KCNQ1OT1: variants seen among roughly 807,000 people sequenced by gnomAD.
KCNQ1OT1 encodes KCNQ1 opposite strand/antisense transcript 1.
chr11:2,632,726 A>G (rs1849381111), exon 1 of KCNQ1OT1: 1 of 398,288 alleles, frequency 2.5e-6, no homozygotes, highest in Admixed American at 4.4e-5. Flanking sequence ...ATCCAAGTTC[A>G]TCCATGTTGC....
Position 2,642,978 on chromosome 11 carries a change from C to T in KCNQ1OT1, n.57017G>A. 2.5e-6 allele frequency: 1 copy of T among 397,824 alleles called. No homozygotes were observed. The highest frequency in any genetic ancestry group is 4.4e-6 in the Non-Finnish European group (1 of 225,656). The allele number at this position is 397,824 out of a possible 1,614,324, so 24.6% of individuals were successfully genotyped here. On this transcript the variant is annotated non_coding_transcript_exon_variant, in exon 1 of 1. Coordinates refer to ENST00000597346, the Ensembl canonical transcript of KCNQ1OT1. The surrounding 1 kb of genome is among the most constrained non-coding windows in gnomAD (Gnocchi z 4.3). ...TATTTATACAGTTTTGAATGCTCCT[C>T]TTATTTATTTATAGTTTTATGCTAT... is the stretch of plus-strand genomic sequence containing the variant.
Position 2,631,603 on chromosome 11 carries a change from T to C in KCNQ1OT1, n.68392A>G. ...TTCTTGGGAGTCAGTCCCTGAAAAT[T>C]ATTGTATTTCTCAGGTGGGTGCTAT... On this transcript the variant is annotated non_coding_transcript_exon_variant, in exon 1 of 1. Transcript: ENST00000597346. 7 of 398,632 alleles carry C rather than the reference T, an allele frequency of 1.8e-5. No individual in the cohort carries two copies. The Admixed American group carries it at 2.2e-4, about 13-fold the overall frequency. The allele number at this position is 398,632 out of a possible 1,614,324, so 24.7% of individuals were successfully genotyped here.
At position 2,676,136 on chromosome 11, in the gene KCNQ1OT1, G is replaced by A; in HGVS notation, n.23859C>T. ...GATACGGCTCCTTTTTATACAAATG[G>A]TAGCATACTGTATGTATTTTTCTAC... On this transcript the variant is annotated non_coding_transcript_exon_variant, in exon 1 of 1. Coordinates refer to ENST00000597346, the Ensembl canonical transcript of KCNQ1OT1. The surrounding 1 kb of genome is among the most constrained non-coding windows in gnomAD (Gnocchi z 4.2). 1 of 398,532 alleles carries A rather than the reference G, an allele frequency of 2.5e-6. No homozygotes were observed. The highest frequency in any genetic ancestry group is 4.4e-6 in the Non-Finnish European group (1 of 226,068). 24.7% of individuals were successfully genotyped at this position (398,532 alleles called of 1,614,324 possible).
At chr11:2,662,422 G>A in exon 1 of KCNQ1OT1, 1 of 280,934 alleles carries the variant, frequency 3.6e-6, no homozygotes, top group Admixed American at 4.7e-5. Context: ...TTGTTTTTTA[G>A]CATTTCCCCA....
rs1849889497 is a variant in KCNQ1OT1 at position 2,658,410 on chromosome 11, C to T, written n.41585G>A. On this transcript the variant is annotated non_coding_transcript_exon_variant, in exon 1 of 1. Transcript: ENST00000597346. The surrounding 1 kb of genome is among the most constrained non-coding windows in gnomAD (Gnocchi z 4.9). ...GTCCAATATTATTTATTTTGTTGCT[C>T]AAATTGTTCAAGCTGTGGCCACTGG... 5 of 398,314 alleles carry T rather than the reference C, an allele frequency of 1.3e-5. No individual in the cohort carries two copies. The highest frequency in any genetic ancestry group is 2.2e-5 in the Non-Finnish European group (5 of 226,020). 24.7% of individuals were successfully genotyped at this position (398,314 alleles called of 1,614,324 possible).
exon 1 of KCNQ1OT1, chr11:2,615,837 T>C (rs1306385088): frequency 2.5e-6 from 1 of 398,106 alleles, no homozygotes; most frequent in Non-Finnish European, 4.4e-6. Context: ...TTTCTTGTGG[T>C]ATATTTGTCT....
chr11:2,686,232 C>T, exon 1 of KCNQ1OT1: 2 of 398,754 alleles, frequency 5.0e-6, no homozygotes, highest in Non-Finnish European at 8.8e-6. Context: ...ACCTTTAGGC[C>T]TTGGGATAGC....
rs1850265905 is a variant in KCNQ1OT1 at position 2,674,908 on chromosome 11, G to GA, written n.25086_25087insT. ...AGGGTCTGAAAAGTCCTTTGTGTTA[G>GA]CTCCAGCTGCAGAGTTTTTCCAGGC... On this transcript the variant is annotated non_coding_transcript_exon_variant, in exon 1 of 1. Coordinates refer to ENST00000597346, the Ensembl canonical transcript of KCNQ1OT1. The surrounding 1 kb of genome is among the most constrained non-coding windows in gnomAD (Gnocchi z 5.9). The GA allele has an allele frequency of 2.5e-6, 1 of 395,194 alleles. No individual in the cohort carries two copies. Among genetic ancestry groups the GA allele is most frequent in the African/African-American group, 2.1e-5 (1 of 47,494 alleles). 24.5% of individuals were successfully genotyped at this position (395,194 alleles called of 1,614,324 possible).
exon 1 of KCNQ1OT1, chr11:2,634,771 G>A (rs544803767): frequency 2.0e-5 from 3 of 152,284 alleles, no homozygotes; most frequent in Non-Finnish European, 2.9e-5. Flanking sequence ...TTCTACAATG[G>A]TTGAACTAGT....
Position 2,654,903 on chromosome 11 carries a change from G to T in KCNQ1OT1, n.45092C>A. On this transcript the variant is annotated non_coding_transcript_exon_variant, in exon 1 of 1. Transcript: ENST00000597346. This position sits in a 1 kb window ranked among gnomAD's most constrained non-coding sequence, Gnocchi z 6.4. ...GCAACTCTAGGATAAGATGTGCAAG[G>T]TCGTGGGCCAGAGAGCAAGGCACAG... is the stretch of plus-strand genomic sequence containing the variant. 2.5e-6 allele frequency: 1 copy of T among 398,614 alleles called. No individual in the cohort carries two copies. The highest frequency in any genetic ancestry group is 4.4e-6 in the Non-Finnish European group (1 of 226,076). The allele number at this position is 398,614 out of a possible 1,614,324, so 24.7% of individuals were successfully genotyped here. A position where few individuals can be genotyped will look rare whatever the true frequency, so the allele number is the denominator to read the frequency against.
Position 2,670,673 on chromosome 11 carries a change from G to A in KCNQ1OT1, n.29322C>T, listed in dbSNP as rs2133867900. On this transcript the variant is annotated non_coding_transcript_exon_variant, in exon 1 of 1. Coordinates refer to ENST00000597346, the Ensembl canonical transcript of KCNQ1OT1. This position sits in a 1 kb window ranked among gnomAD's most constrained non-coding sequence, Gnocchi z 4.9. ...AACCCTGAAGATTGGTAGGAAGGCA[G>A]TGTAGCAGTAACAAGACAAAGGGAT... The A allele has an allele frequency of 2.5e-6, 1 of 398,678 alleles. No homozygotes were observed. Among genetic ancestry groups the A allele is most frequent in the East Asian group, 3.6e-5 (1 of 28,080 alleles). The allele number at this position is 398,678 out of a possible 1,614,324, so 24.7% of individuals were successfully genotyped here.
At chr11:2,631,009 A>G (rs1335193144) in exon 1 of KCNQ1OT1, 1 of 398,388 alleles carries the variant, frequency 2.5e-6, no homozygotes, top group Non-Finnish European at 4.4e-6. Flanking sequence ...TTTCAAAATT[A>G]TCTTGTCTTC....
chr11:2,675,809 C>G (rs1850283288), exon 1 of KCNQ1OT1: 1 of 398,616 alleles, frequency 2.5e-6, no homozygotes, highest in Admixed American at 4.4e-5. Flanking sequence ...CAGCCACGTG[C>G]ATGCAGGGCT....
At chr11:2,696,858 T>C in exon 1 of KCNQ1OT1, 1 of 398,622 alleles carries the variant, frequency 2.5e-6, no homozygotes, top group Non-Finnish European at 4.4e-6. Context: ...AGTCAGTTGC[T>C]ATTGGCATAA....
chr11:2,641,423 C>T (rs1849575364), exon 1 of KCNQ1OT1: 1 of 397,878 alleles, frequency 2.5e-6, no homozygotes, highest in Non-Finnish European at 4.4e-6. Flanking sequence ...CTGTTGGCTA[C>T]TTGTATGTTT....
chr11:2,642,452 CTG>C lies in KCNQ1OT1; in HGVS notation n.57541_57542del, dbSNP rs879593317. On this transcript the variant is annotated non_coding_transcript_exon_variant, in exon 1 of 1. Coordinates refer to ENST00000597346, the Ensembl canonical transcript of KCNQ1OT1. This position sits in a 1 kb window ranked among gnomAD's most constrained non-coding sequence, Gnocchi z 4.3. ...TAAGCCTGATTTTTAAATCCTGTAA[CTG>C]TAATCAATTTATTGATCAGACTGAA... 1 of 397,992 alleles carries C rather than the reference CTG, an allele frequency of 2.5e-6. No individual in the cohort carries two copies. The highest frequency in any genetic ancestry group is 4.4e-6 in the Non-Finnish European group (1 of 225,706). The allele number at this position is 397,992 out of a possible 1,614,324, so 24.7% of individuals were successfully genotyped here. A position where few individuals can be genotyped will look rare whatever the true frequency, so the allele number is the denominator to read the frequency against.
rs552606524 is a variant in KCNQ1OT1, at chr11:2,668,229, C to T, written n.31766G>A. The stretch of plus-strand genomic sequence containing the variant: ...CATTCATCCATTCTACCACCTGTGG[C>T]CAGCAGGCAGTTTCTGGTGTAGGTT... On this transcript the variant is annotated non_coding_transcript_exon_variant, in exon 1 of 1. Coordinates refer to ENST00000597346, the Ensembl canonical transcript of KCNQ1OT1. The surrounding 1 kb of genome is among the most constrained non-coding windows in gnomAD (Gnocchi z 4.3). 5 of 398,626 alleles carry T rather than the reference C, an allele frequency of 1.3e-5. No individual in the cohort carries two copies. The East Asian group carries it at 1.8e-4, about 14-fold the overall frequency. The allele number at this position is 398,626 out of a possible 1,614,324, so 24.7% of individuals were successfully genotyped here. A position where few individuals can be genotyped will look rare whatever the true frequency, so the allele number is the denominator to read the frequency against.
At position 2,658,072 on chromosome 11, in the gene KCNQ1OT1, A is replaced by G; in HGVS notation, n.41923T>C. 1.0e-5 allele frequency: 4 copies of G among 398,560 alleles called. No individual in the cohort carries two copies. The highest frequency in any genetic ancestry group is 1.8e-5 in the Non-Finnish European group (4 of 226,040). The allele number at this position is 398,560 out of a possible 1,614,324, so 24.7% of individuals were successfully genotyped here. A position where few individuals can be genotyped will look rare whatever the true frequency, so the allele number is the denominator to read the frequency against. ...AGTATAGCCCACACTCAAGGTGGGG[A>G]AGGGAGGGGTTCAACTCTACCTCCT... On this transcript the variant is annotated non_coding_transcript_exon_variant, in exon 1 of 1. Transcript: ENST00000597346. The surrounding 1 kb of genome is among the most constrained non-coding windows in gnomAD (Gnocchi z 4.9).
chr11:2,680,197 T>C (rs1850368433), exon 1 of KCNQ1OT1: 3 of 387,614 alleles, frequency 7.7e-6, no homozygotes, highest in Non-Finnish European at 1.3e-5. Flanking sequence ...TGGCCTCAGC[T>C]TGCCTAATTA....
Sources: allele counts gnomAD v4.1 joint callset, GRCh38; gene constraint gnomAD v4.1.1; non-coding constraint Gnocchi (gnomAD v3.1); transcripts MANE v1.5; gene names NCBI Gene and HGNC (gene_info 2026-07-23, HGNC 2026-07-21).